The following ADARB1 variants were observed in gnomAD, a reference collection of about 807,000 sequenced individuals.
ADARB1 encodes double-stranded RNA-specific editase 1.
Under a neutral mutation model 52.4 loss-of-function variants are expected in ADARB1, and 10 were observed. That is an observed-to-expected ratio of 0.19 (90% confidence interval 0.12 to 0.32). ADARB1 has a LOEUF of 0.32. ADARB1 is among the 10% of genes least tolerant of loss of function. The pLI, the probability that ADARB1 is intolerant of heterozygous loss-of-function variation, is 1.00. For synonymous variants in ADARB1, 349 were observed against 371.1 expected (o/e 0.94, Z 0.68); for missense variants, 643 against 922.3 (o/e 0.70, Z 3.92).
At chr21:45,177,373 T>C (rs2091744086) in intron 4 of ADARB1, 1 of 152,086 alleles carries the variant, frequency 6.6e-6, no homozygotes, top group South Asian at 2.1e-4. Flanking sequence ...AGGCTGGAGG[T>C]GGACAGCCAC....
At chr21:45,138,719 C>T (rs1186796631) in intron 2 of ADARB1, among the ~76,000 whole-genome samples, 1 of 152,184 alleles carries the variant, frequency 6.6e-6, no homozygotes, top group Non-Finnish European at 1.5e-5. Flanking sequence ...GAAAGGGCTT[C>T]AGGACGAGCA....
intron 1 of ADARB1, among the ~76,000 whole-genome samples, chr21:45,113,202 A>T (rs2087627352): frequency 1.3e-5 from 2 of 152,092 alleles, no homozygotes; most frequent in Non-Finnish European, 2.9e-5. Context: ...AGGTGGGTGG[A>T]TCACAAGGTC....
intron 9 of ADARB1, among the ~76,000 whole-genome samples, chr21:45,219,504 A>G (rs1053016450): frequency 6.6e-6 from 1 of 152,230 alleles, no homozygotes; most frequent in Non-Finnish European, 1.5e-5. Context: ...GCCTGGCAAC[A>G]AGAGTGAGAC....
At chr21:45,191,066 T>C (rs1273621874) in intron 8 of ADARB1, among the ~76,000 whole-genome samples, 1 of 152,208 alleles carries the variant, frequency 6.6e-6, no homozygotes, top group Non-Finnish European at 1.5e-5. Context: ...CTGTATATTG[T>C]TGTTAACTCA....
intron 9 of ADARB1, among the ~76,000 whole-genome samples, chr21:45,217,850 G>T (rs2092896168): frequency 6.6e-6 from 1 of 152,074 alleles, no homozygotes; most frequent in Non-Finnish European, 1.5e-5. Context: ...GGAATGGCAG[G>T]GTCCTTTTTC....
chr21:45,193,281 A>G (rs2092347217), intron 8 of ADARB1, among the ~76,000 whole-genome samples: 1 of 152,244 alleles, frequency 6.6e-6, no homozygotes, highest in South Asian at 2.1e-4. Flanking sequence ...AAATCAATAT[A>G]ATTCACCATA....
chr21:45,107,165 A>G (rs184418745), intron 1 of ADARB1, among the ~76,000 whole-genome samples: 7 of 152,248 alleles, frequency 4.6e-5, no homozygotes, highest in African/African-American at 1.7e-4. Flanking sequence ...AATAAATGTA[A>G]TGAGAACTGT....
At chr21:45,084,358 C>T (rs1009145743) in intron 1 of ADARB1, among the ~76,000 whole-genome samples, 1 of 152,234 alleles carries the variant, frequency 6.6e-6, no homozygotes, top group African/African-American at 2.4e-5. Flanking sequence ...GCAGAGAGTC[C>T]TGTCCCTTCT....
rs529722813 is a variant in ADARB1, at chr21:45,160,036, A to G, written c.-47-11574A>G. On this transcript the variant is annotated intron_variant, in intron 2 of 10. Coordinates refer to ENST00000348831, the MANE Select transcript of ADARB1 (RefSeq NM_001112.4). The stretch of plus-strand genomic sequence containing the variant: ...ACATTTTTTAATTGGGTGTTTGTCT[A>G]AAGACAATTATCGATCATAGTAGGC... Among the ~76,000 whole-genome samples, 5 of 152,350 alleles carry G rather than the reference A, an allele frequency of 3.3e-5. No individual in the cohort carries two copies. In the South Asian group the frequency reaches 1.0e-3, roughly 32 times the overall value.
chr21:45,175,465 A>T (rs1302720173), intron 3 of ADARB1, among the ~76,000 whole-genome samples: 2 of 152,212 alleles, frequency 1.3e-5, no homozygotes, highest in African/African-American at 4.8e-5. Context: ...AATTATTTAA[A>T]GATTTTACTT....
chr21:45,152,694 G>A (rs1251230398), intron 2 of ADARB1: 3 of 443,432 alleles, frequency 6.8e-6, no homozygotes, highest in South Asian at 4.8e-5. Context: ...CGCAAGAAGC[G>A]CTCTGAGAGG....
chr21:45,118,353 T>A (rs182233020), intron 1 of ADARB1, among the ~76,000 whole-genome samples: 3 of 152,286 alleles, frequency 2.0e-5, no homozygotes, highest in Non-Finnish European at 2.9e-5. Context: ...GACTTCTTAA[T>A]TCACTTCCTT....
intron 1 of ADARB1, among the ~76,000 whole-genome samples, chr21:45,119,743 C>T (rs892902628): frequency 3.9e-5 from 6 of 152,262 alleles, no homozygotes; most frequent in South Asian, 2.1e-4. Flanking sequence ...GAAATAAAGA[C>T]GGAGATGACT....
In ADARB1 at chr21:45,157,353, C is replaced by G. The variant is rs2090716228; in HGVS notation, c.-47-14257C>G. 6.6e-6 allele frequency among the ~76,000 whole-genome samples: 1 copy of G among 152,078 alleles called. No homozygotes were observed. Among genetic ancestry groups the G allele is most frequent in the African/African-American group, 2.4e-5 (1 of 41,392 alleles). ...TTGAAAATAAAGTTTACATCGTTGT[C>G]TTTTTTTTCCCTTTGATTCCAGAAA... On this transcript the variant is annotated intron_variant, in intron 2 of 10. Transcript: ENST00000348831. The surrounding 1 kb of genome is among the most constrained non-coding windows in gnomAD (Gnocchi z 4.1).
In ADARB1 at chr21:45,184,995, C is replaced by G; in HGVS notation, c.1469C>G (p.Thr490Arg). The G allele has an allele frequency of 6.2e-7, 1 of 1,614,164 alleles. No individual in the cohort carries two copies. The highest frequency in any genetic ancestry group is 8.5e-7 in the Non-Finnish European group (1 of 1,180,022). ...ACCAAAATAGAGTCTGGTGAGGGGACGATTCCAGTGCGCTCCAATGCGAGC... is the reference window on the plus strand; with the variant it reads ...ACCAAAATAGAGTCTGGTGAGGGGAGGATTCCAGTGCGCTCCAATGCGAGC... ...LRTKIESGEG[T>R]IPVRSNASIQ... The change falls in exon 8 of 11, where the codon ACG (threonine) becomes AGG (arginine). Residue 490 changes from threonine to arginine, a missense_variant. Thr to Arg is a moderately conservative substitution (Grantham distance 71). Around this residue, in one of 2 missense-constraint regions of ADARB1, gnomAD observed 263 missense variants for 475.8 expected, o/e 0.55. Transcript: ENST00000348831.
At chr21:45,156,515 C>CAT (rs2090653492) in intron 2 of ADARB1, among the ~76,000 whole-genome samples, 2 of 121,174 alleles carry the variant, frequency 1.7e-5, no homozygotes, top group Admixed American at 8.3e-5. Flanking sequence ...ACCCACCCAC[C>CAT]CACCCATCAT....
intron 2 of ADARB1, among the ~76,000 whole-genome samples, chr21:45,160,331 C>T (rs1329721355): frequency 4.6e-5 from 7 of 152,258 alleles, no homozygotes; most frequent in Admixed American, 1.3e-4. Flanking sequence ...GGCTTACAGA[C>T]GTTCGCATAG....
intron 2 of ADARB1, among the ~76,000 whole-genome samples, chr21:45,152,104 C>T (rs1297356540): frequency 1.3e-5 from 2 of 152,214 alleles, no homozygotes; most frequent in Non-Finnish European, 2.9e-5. Flanking sequence ...TGACCACTCA[C>T]CTGCACTTTA....
rs748600981 is a variant in ADARB1, at chr21:45,221,052, C to T, written c.1926+38C>T. 1.3e-6 allele frequency: 2 copies of T among 1,567,262 alleles called. No individual in the cohort carries two copies. Among genetic ancestry groups the T allele is most frequent in the Non-Finnish European group, 1.7e-6 (2 of 1,154,276 alleles). Reference sequence around the variant, plus strand: ...CCTCACCGCAATGCGCCGGCTCCACCTCCCCAATAGCTTGTCTGTCCTCAC... The same window carrying T: ...CCTCACCGCAATGCGCCGGCTCCACTTCCCCAATAGCTTGTCTGTCCTCAC... On this transcript the variant is annotated intron_variant, in intron 10 of 10. Transcript: ENST00000348831. This position sits in a 1 kb window ranked among gnomAD's most constrained non-coding sequence, Gnocchi z 4.9.
Sources: allele counts gnomAD v4.1 joint callset (sites outside exome capture counted in the v4.1 genomes callset), GRCh38; gene constraint gnomAD v4.1.1; regional missense constraint gnomAD v4.1.1; non-coding constraint Gnocchi (gnomAD v3.1); transcripts MANE v1.5; gene names NCBI Gene and HGNC (gene_info 2026-07-23, HGNC 2026-07-21).